Variants in STK38L observed in about 807,000 individuals in gnomAD.
STK38L encodes serine/threonine kinase 38 like.
STK38L carries 28 observed loss-of-function variants against 59.7 expected under a neutral mutation model. The observed-to-expected ratio is 0.47, with a 90% CI of 0.35 to 0.64. The LOEUF is 0.64. Among genes scored for constraint, STK38L ranks in the 30% least tolerant of loss-of-function variants. The pLI is 0.01. For missense variants in STK38L, 314 were observed against 555.8 expected (o/e 0.56, Z 4.37); for synonymous variants, 162 against 176.8 (o/e 0.92, Z 0.66).
intron 1 of STK38L, among the ~76,000 whole-genome samples, chr12:27,262,900 G>A (rs2136611142): frequency 6.6e-6 from 1 of 151,278 alleles, no homozygotes; most frequent in East Asian, 1.9e-4. Flanking sequence ...CCGGGTTCAA[G>A]CGATTCTCCC....
chr12:27,306,688 A>T (rs984839156), intron 3 of STK38L, among the ~76,000 whole-genome samples: 1 of 141,020 alleles, frequency 7.1e-6, no homozygotes, highest in East Asian at 2.2e-4. Flanking sequence ...GGAATTTGCC[A>T]GTGTTGGTAT....
At chr12:27,259,348 C>T (rs1943155433) in intron 1 of STK38L, among the ~76,000 whole-genome samples, 1 of 152,150 alleles carries the variant, frequency 6.6e-6, no homozygotes, top group Non-Finnish European at 1.5e-5. Context: ...TCACAGTAGA[C>T]AACTGGTCAA....
In STK38L at chr12:27,314,498, A is replaced by T. The variant is rs1023760487; in HGVS notation, c.518-6A>T. Reference sequence around the variant, plus strand: ...ATAATAATATATTTGACTATCCTTTATTTAGGTGACATGATGACATTGCTA... The same window carrying T: ...ATAATAATATATTTGACTATCCTTTTTTTAGGTGACATGATGACATTGCTA... On this transcript the variant is annotated splice_region_variant and splice_polypyrimidine_tract_variant and intron_variant, in intron 6 of 13. Transcript: ENST00000389032. 4.6e-6 allele frequency: 7 copies of T among 1,535,796 alleles called. No homozygotes were observed. The highest frequency in any genetic ancestry group is 1.4e-5 in the African/African-American group (1 of 70,888).
chr12:27,274,038 A>G (rs1043610450), intron 1 of STK38L, among the ~76,000 whole-genome samples: 2 of 151,982 alleles, frequency 1.3e-5, no homozygotes, highest in African/African-American at 4.8e-5. Flanking sequence ...GCGGATCACA[A>G]GGTCAAGAGA....
At chr12:27,283,161 G>A (rs1323382384) in intron 1 of STK38L, among the ~76,000 whole-genome samples, 3 of 152,174 alleles carry the variant, frequency 2.0e-5, no homozygotes, top group South Asian at 2.1e-4. Context: ...CTACAAGATC[G>A]TAGACACCTT....
chr12:27,324,986 GTTT>G lies in STK38L; in HGVS notation c.*2534_*2536del, dbSNP rs1944808056. 6.6e-6 allele frequency: 1 copy of G among 152,010 alleles called. No homozygotes were observed. Among genetic ancestry groups the G allele is most frequent in the Admixed American group, 6.6e-5 (1 of 15,266 alleles). 9.4% of individuals were successfully genotyped at this position (152,010 alleles called of 1,614,324 possible). A position where few individuals can be genotyped will look rare whatever the true frequency, so the allele number is the denominator to read the frequency against. On this transcript the variant is annotated 3_prime_UTR_variant, in exon 14 of 14. Coordinates refer to ENST00000389032, the MANE Select transcript of STK38L (RefSeq NM_015000.4). ...AAAAGAGTTTTATTATAAACCGTGT[GTTT>G]TTGGTTTTTCTAAGTATATAGAAAG...
intron 12 of STK38L, among the ~76,000 whole-genome samples, chr12:27,319,916 C>G (rs1007883359): frequency 4.6e-5 from 7 of 152,172 alleles, no homozygotes; most frequent in Admixed American, 4.6e-4. Flanking sequence ...TAGTTCTGAT[C>G]TGTTCTCCAC....
At chr12:27,293,983 A>G (rs1246306166) in intron 1 of STK38L, among the ~76,000 whole-genome samples, 2 of 152,098 alleles carry the variant, frequency 1.3e-5, no homozygotes, top group East Asian at 3.9e-4. Flanking sequence ...GCTAGAACAA[A>G]TACAAGGCAA....
At position 27,279,930 on chromosome 12, in the gene STK38L, A is replaced by C. The variant is rs375899377; in HGVS notation, c.-11-17780A>C. On this transcript the variant is annotated intron_variant, in intron 1 of 13. Coordinates refer to ENST00000389032, the MANE Select transcript of STK38L (RefSeq NM_015000.4). Reference sequence around the variant, plus strand: ...TTCTGAGCTTAGGGAGACAGGTTCCAATTACTGGCTGTAGGTCTTTGGGAT... The same window carrying C: ...TTCTGAGCTTAGGGAGACAGGTTCCCATTACTGGCTGTAGGTCTTTGGGAT... Among the ~76,000 whole-genome samples the C allele has an allele frequency of 7.2e-5, 11 of 152,152 alleles. No individual in the cohort carries two copies. In the East Asian group the frequency reaches 1.5e-3, roughly 21 times the overall value.
Position 27,308,406 on chromosome 12 carries a change from T to C in STK38L, c.254T>C (p.Leu85Pro). Residue 85 changes from leucine (L) to proline (P), a missense_variant, in exon 4 of 14, where the codon CTT (leucine) becomes CCT (proline). Physicochemically the swap from Leu to Pro is moderately conservative, Grantham distance 98 (BLOSUM62 -3). This residue lies in a region of STK38L where 192 missense variants were observed against 316.9 expected (regional missense o/e 0.61). Coordinates refer to ENST00000389032, the MANE Select transcript of STK38L (RefSeq NM_015000.4). This position sits in a 1 kb window ranked among gnomAD's most constrained non-coding sequence, Gnocchi z 4.5. ...TEFLRLKRTRLGLDDFESLKV... is the reference protein window; with the variant it reads ...TEFLRLKRTRPGLDDFESLKV... ...TTCTTACGGCTCAAAAGGACCAGAC[T>C]TGGCTTGGATGACTTTGAGTCTCTG... The C allele has an allele frequency of 6.3e-7, 1 of 1,599,628 alleles. No homozygotes were observed. The highest frequency in any genetic ancestry group is 1.3e-5 in the African/African-American group (1 of 74,540).
intron 1 of STK38L, among the ~76,000 whole-genome samples, chr12:27,276,597 G>C (rs12370055): frequency 5.3e-5 from 8 of 152,070 alleles, no homozygotes; most frequent in African/African-American, 1.9e-4. Context: ...GTAGATACTA[G>C]TTAGTAAAAA....
intron 1 of STK38L, among the ~76,000 whole-genome samples, chr12:27,266,888 A>T: frequency 6.6e-6 from 1 of 152,212 alleles, no homozygotes; most frequent in East Asian, 1.9e-4. Flanking sequence ...TCATAGGTTC[A>T]GTTGTTTAAC....
chr12:27,297,861 T>C lies in STK38L; in HGVS notation c.134+7T>C. 1 of 1,613,476 alleles carries C rather than the reference T, an allele frequency of 6.2e-7. No homozygotes were observed. The highest frequency in any genetic ancestry group is 1.1e-5 in the South Asian group (1 of 91,008). On this transcript the variant is annotated splice_region_variant and intron_variant, in intron 2 of 13. Coordinates refer to ENST00000389032, the MANE Select transcript of STK38L (RefSeq NM_015000.4). The stretch of plus-strand genomic sequence containing the variant: ...ATGAAGAGAGAGAAACCAGGTATAG[T>C]AAGGGCTAATCAAAACTTTTTTTAG...
chr12:27,294,140 T>C (rs1431216245), intron 1 of STK38L, among the ~76,000 whole-genome samples: 2 of 152,226 alleles, frequency 1.3e-5, no homozygotes, highest in African/African-American at 4.8e-5. Flanking sequence ...CAATTTTATA[T>C]GCCTAGGGAA....
chr12:27,247,666 T>C (rs747326081), intron 1 of STK38L, among the ~76,000 whole-genome samples: 2 of 152,190 alleles, frequency 1.3e-5, no homozygotes. Flanking sequence ...CGTCTTTGTA[T>C]ATTTTGTCCT....
intron 1 of STK38L, among the ~76,000 whole-genome samples, chr12:27,294,710 C>CT (rs35709589): frequency 1.0e-3 from 144 of 143,880 alleles, no homozygotes; most frequent in Middle Eastern, 3.7e-3. Context: ...CTTCTTTGAC[C>CT]TTTTTTTTTT....
intron 1 of STK38L, among the ~76,000 whole-genome samples, chr12:27,275,907 C>T (rs1483363640): frequency 6.6e-6 from 1 of 152,136 alleles, no homozygotes; most frequent in Non-Finnish European, 1.5e-5. Flanking sequence ...TATCCATAAA[C>T]TCAAAATCAA....
At chr12:27,312,765 T>G in intron 6 of STK38L, 93 bp downstream of exon 6, 1 of 1,475,086 alleles carries the variant, frequency 6.8e-7, no homozygotes, top group Non-Finnish European at 9.2e-7. Context: ...TTTATATTCT[T>G]TGCTCTGAGG....
At chr12:27,299,824 A>G (rs945367451) in intron 2 of STK38L, among the ~76,000 whole-genome samples, 4 of 152,166 alleles carry the variant, frequency 2.6e-5, no homozygotes, top group African/African-American at 9.6e-5. Context: ...AGAATGCAAG[A>G]GAGAAAGAAA....
Sources: gnomAD v4.1 joint callset for allele counts (sites outside exome capture counted in the v4.1 genomes callset) on GRCh38, gnomAD v4.1.1 for gene constraint, gnomAD v4.1.1 regional missense constraint, Gnocchi (gnomAD v3.1) non-coding constraint, MANE v1.5 for transcripts, NCBI Gene and HGNC (gene_info 2026-07-23, HGNC 2026-07-21) for gene names.